The following ENTREP2 variants were observed in gnomAD, a reference collection of about 807,000 sequenced individuals.
ENTREP2 encodes endosomal transmembrane epsin interactor 2.
At chr15:29,361,108 T>C in the ENTREP2 span, among the ~76,000 whole-genome samples, 6 of 152,204 alleles carry the variant, frequency 3.9e-5, no homozygotes, top group Admixed American at 2.6e-4. Flanking sequence ...GTCTACTCTC[T>C]GATCTACCCG....
the ENTREP2 span, among the ~76,000 whole-genome samples, chr15:29,628,170 G>A: frequency 1.3e-5 from 2 of 152,152 alleles, no homozygotes; most frequent in African/African-American, 4.8e-5. Flanking sequence ...AGGATAATAA[G>A]TCATCCTAAT....
the ENTREP2 span, among the ~76,000 whole-genome samples, chr15:29,155,011 G>T: frequency 3.3e-5 from 5 of 151,522 alleles, no homozygotes; most frequent in Non-Finnish European, 5.9e-5. Flanking sequence ...GGCCGGGCGT[G>T]GTGGCTCATG....
the ENTREP2 span, among the ~76,000 whole-genome samples, chr15:29,663,241 C>A: frequency 1.3e-5 from 2 of 151,594 alleles, no homozygotes. Context: ...GGTGGGGTGG[C>A]GGGTGCAGTG....
At chr15:29,179,603 C>T in the ENTREP2 span, among the ~76,000 whole-genome samples, 5 of 142,844 alleles carry the variant, frequency 3.5e-5, no homozygotes, top group East Asian at 2.3e-4. Flanking sequence ...TTTTTTGAGA[C>T]GGAGTCTCGC....
At chr15:29,549,891 A>T in the ENTREP2 span, among the ~76,000 whole-genome samples, 1 of 152,324 alleles carries the variant, frequency 6.6e-6, no homozygotes, top group African/African-American at 2.4e-5. Context: ...GTGTCAAGAC[A>T]GTGAGATTCA....
the ENTREP2 span, among the ~76,000 whole-genome samples, chr15:29,409,632 C>CA: frequency 6.8e-6 from 1 of 147,228 alleles, no homozygotes; most frequent in East Asian, 2.0e-4. Context: ...GCCTATTTTT[C>CA]TTTTTTTTTT....
At chr15:29,401,535 G>C in the ENTREP2 span, among the ~76,000 whole-genome samples, 1 of 152,200 alleles carries the variant, frequency 6.6e-6, no homozygotes, top group South Asian at 2.1e-4. Flanking sequence ...GGGAAAGAAA[G>C]TTCCTCTTAA....
the ENTREP2 span, among the ~76,000 whole-genome samples, chr15:29,259,400 C>T: frequency 1.3e-5 from 2 of 152,254 alleles, no homozygotes; most frequent in African/African-American, 4.8e-5. Flanking sequence ...GGCCACATCC[C>T]TAGGATGGCT....
At chr15:29,485,322 G>A in the ENTREP2 span, among the ~76,000 whole-genome samples, 1 of 152,058 alleles carries the variant, frequency 6.6e-6, no homozygotes, top group African/African-American at 2.4e-5. Context: ...CTTGAAGACA[G>A]CAGCAGCATT....
At chr15:29,585,666 C>T in the ENTREP2 span, among the ~76,000 whole-genome samples, 1 of 151,504 alleles carries the variant, frequency 6.6e-6, no homozygotes, top group Non-Finnish European at 1.5e-5. Context: ...ACCATCCTGG[C>T]TAATACGGGG....
At chr15:29,233,991 G>A in the ENTREP2 span, 2 of 1,496,176 alleles carry the variant, frequency 1.3e-6, no homozygotes, top group African/African-American at 1.4e-5. Context: ...ACCATAGGAA[G>A]AGTTGAAATA....
At chr15:29,593,955 G>T in the ENTREP2 span, among the ~76,000 whole-genome samples, 1 of 152,128 alleles carries the variant, frequency 6.6e-6, no homozygotes, top group Non-Finnish European at 1.5e-5. Flanking sequence ...TCTATGGATT[G>T]TATCAATGTT....
chr15:29,154,940 C>T, the ENTREP2 span, among the ~76,000 whole-genome samples: 3 of 152,336 alleles, frequency 2.0e-5, no homozygotes, highest in Admixed American at 2.0e-4. Context: ...GTTTATAGAA[C>T]CCCATGCACA....
the ENTREP2 span, among the ~76,000 whole-genome samples, chr15:29,302,670 T>C: frequency 4.6e-5 from 7 of 152,120 alleles, no homozygotes; most frequent in African/African-American, 1.7e-4. Flanking sequence ...TTTAAACTCA[T>C]TTCATAGAAA....
chr15:29,227,016 T>A, the ENTREP2 span, among the ~76,000 whole-genome samples: 1 of 152,214 alleles, frequency 6.6e-6, no homozygotes, highest in South Asian at 2.1e-4. Context: ...GCTGTGAATA[T>A]CCTGCTCAGA....
chr15:29,231,623 ATAGAG>A, the ENTREP2 span, among the ~76,000 whole-genome samples: 1 of 152,160 alleles, frequency 6.6e-6, no homozygotes, highest in Non-Finnish European at 1.5e-5. Flanking sequence ...CCCTTTAATT[ATAGAG>A]TAGTTATAAA....
chr15:29,228,379 G>A, the ENTREP2 span, among the ~76,000 whole-genome samples: 20 of 152,276 alleles, frequency 1.3e-4, 1 homozygote, highest in South Asian at 3.9e-3. Flanking sequence ...ACTTACATGA[G>A]TGACCTAGAA....
At chr15:29,571,941 G>A in the ENTREP2 span, among the ~76,000 whole-genome samples, 7 of 152,138 alleles carry the variant, frequency 4.6e-5, no homozygotes, top group African/African-American at 1.7e-4. Context: ...GGAAACGGCC[G>A]GTCATTTCCT....
the ENTREP2 span, among the ~76,000 whole-genome samples, chr15:29,620,208 T>A: frequency 6.6e-6 from 1 of 152,118 alleles, no homozygotes; most frequent in African/African-American, 2.4e-5. Flanking sequence ...CCTCCTGGGC[T>A]TCTCCCTACC....
Sources: gnomAD v4.1 joint callset for allele counts (sites outside exome capture counted in the v4.1 genomes callset) on GRCh38, gnomAD v4.1.1 for gene constraint, MANE v1.5 for transcripts, NCBI Gene and HGNC (gene_info 2026-07-23, HGNC 2026-07-21) for gene names.